BNC2: variants seen among roughly 807,000 people sequenced by gnomAD.
BNC2 encodes zinc finger protein basonuclin-2.
A neutral mutation model predicts 76.3 loss-of-function variants in BNC2; 20 were observed. That is an observed-to-expected ratio of 0.26 (90% confidence interval 0.18 to 0.38). The LOEUF (loss-of-function observed/expected upper bound fraction) is 0.38, where lower values mean the gene tolerates loss of function less well. BNC2 is among the 10% of genes least tolerant of loss of function. BNC2 has a pLI of 1.00. For missense variants in BNC2, 1,382 were observed against 1,399.8 expected, an observed-to-expected ratio of 0.99 and a Z score of 0.20; for synonymous variants, 582 against 514.8, an observed-to-expected ratio of 1.13 and a Z score of -1.77.
At chr9:16,689,704 C>T (rs1823094972) in intron 3 of BNC2, among the ~76,000 whole-genome samples, 2 of 151,700 alleles carry the variant, frequency 1.3e-5, no homozygotes, top group African/African-American at 4.8e-5. Flanking sequence ...GAGTGCTCCT[C>T]AGAGACATGG....
In BNC2 at chr9:16,436,465, G is replaced by A; in HGVS notation, c.1729C>T (p.Leu577Phe). 2 of 1,614,080 alleles carry A rather than the reference G, an allele frequency of 1.2e-6. No homozygotes were observed. Among genetic ancestry groups the A allele is most frequent in the Non-Finnish European group, 8.5e-7 (1 of 1,180,002 alleles). Residue 577 changes from leucine (L) to phenylalanine (F), a missense_variant, in exon 6 of 7, where the codon CTC (leucine) becomes TTC (phenylalanine). Physicochemically the swap from Leu to Phe is conservative, Grantham distance 22. This residue lies in a region of BNC2 where 798 missense variants were observed against 775.5 expected (regional missense o/e 1.03). Transcript: ENST00000380672. ...QPVPPFYRSL[L>F]TPGEMVSPPT... ...GGACTCACCATTTCCCCTGGAGTGAGTAAACTTCTATAAAATGGAGGAACT... is the reference window on the plus strand; with the variant it reads ...GGACTCACCATTTCCCCTGGAGTGAATAAACTTCTATAAAATGGAGGAACT...
intron 3 of BNC2, among the ~76,000 whole-genome samples, chr9:16,595,390 G>A (rs914437136): frequency 6.6e-6 from 1 of 151,996 alleles, no homozygotes; most frequent in Non-Finnish European, 1.5e-5. Flanking sequence ...CCCCTTATAC[G>A]TTATTTATGT....
chr9:16,798,077 T>C (rs1264080266), intron 1 of BNC2, among the ~76,000 whole-genome samples: 2 of 152,192 alleles, frequency 1.3e-5, no homozygotes, highest in East Asian at 1.9e-4. Flanking sequence ...AGAATCCCTT[T>C]TGTTGATCTG....
At chr9:16,839,012 G>T (rs1165848457) in intron 1 of BNC2, among the ~76,000 whole-genome samples, 1 of 152,204 alleles carries the variant, frequency 6.6e-6, no homozygotes, top group Non-Finnish European at 1.5e-5. Context: ...AATTTCACTA[G>T]TCAGTAGAGG....
chr9:16,849,338 A>T (rs1220451408), intron 1 of BNC2, among the ~76,000 whole-genome samples: 1 of 146,318 alleles, frequency 6.8e-6, no homozygotes, highest in Non-Finnish European at 1.5e-5. Context: ...AGATCTGCAG[A>T]TTCCATGCAA....
At chr9:16,540,998 C>G (rs1818303463) in intron 5 of BNC2, among the ~76,000 whole-genome samples, 1 of 152,198 alleles carries the variant, frequency 6.6e-6, no homozygotes, top group Non-Finnish European at 1.5e-5. Context: ...AATCAAAACC[C>G]TCCCCTACTC....
rs1226843600 is a variant in BNC2 at position 16,539,758 on chromosome 9, GGAAAGGAAAAGAAAGGAAAGGA to G, written c.669+12750_669+12771del. 1.9e-3 allele frequency among the ~76,000 whole-genome samples: 162 copies of G among 86,100 alleles called. 1 individual carries two copies. The highest frequency in any genetic ancestry group is 0.01 in the African/African-American group (141 of 13,562). The allele number at this position is 86,100 out of a possible 152,430, so 56.5% of individuals were successfully genotyped here. ...GGAAAGGGAAGGGAAGGGAAGGAAAGGAAAGGAAAAGAAAGGAAAGGAAAGGAAAGGAAAGGAAAGGAAAGGA... is the reference window on the plus strand; with the variant it reads ...GGAAAGGGAAGGGAAGGGAAGGAAAGAAGGAAAGGAAAGGAAAGGAAAGGA... On this transcript the variant is annotated intron_variant, in intron 5 of 6. Coordinates refer to ENST00000380672, the MANE Select transcript of BNC2 (RefSeq NM_017637.6).
intron 3 of BNC2, among the ~76,000 whole-genome samples, chr9:16,634,018 T>C (rs1821243465): frequency 6.6e-6 from 1 of 152,214 alleles, no homozygotes; most frequent in Non-Finnish European, 1.5e-5. Flanking sequence ...TAAACTACCC[T>C]ATCCAAGCGT....
At chr9:16,830,217 G>T (rs1359583620) in intron 1 of BNC2, among the ~76,000 whole-genome samples, 1 of 152,116 alleles carries the variant, frequency 6.6e-6, no homozygotes, top group African/African-American at 2.4e-5. Flanking sequence ...TGCATTGGAG[G>T]GCAATTATCT....
intron 1 of BNC2, among the ~76,000 whole-genome samples, chr9:16,810,339 C>A (rs1000884934): frequency 2.6e-5 from 4 of 152,194 alleles, no homozygotes; most frequent in African/African-American, 9.7e-5. Flanking sequence ...GGCATTCACT[C>A]TGCCTTTGTC....
intron 1 of BNC2, among the ~76,000 whole-genome samples, chr9:16,748,983 G>C (rs144317827): frequency 7.2e-6 from 1 of 139,330 alleles, no homozygotes; most frequent in African/African-American, 2.8e-5. Context: ...AATATATAAT[G>C]ATGGCCCTGA....
intron 3 of BNC2, among the ~76,000 whole-genome samples, chr9:16,620,061 A>G (rs1820821983): frequency 6.6e-6 from 1 of 152,212 alleles, no homozygotes; most frequent in African/African-American, 2.4e-5. Flanking sequence ...CCCACTTTGT[A>G]ATAGACAACT....
intron 5 of BNC2, among the ~76,000 whole-genome samples, chr9:16,531,940 C>T (rs965500801): frequency 2.6e-5 from 4 of 152,140 alleles, no homozygotes; most frequent in African/African-American, 4.8e-5. Flanking sequence ...ACAAAATGCA[C>T]TTAAAATTCT....
At chr9:16,421,359 G>C in intron 6 of BNC2, 1 of 1,107,520 alleles carries the variant, frequency 9.0e-7, no homozygotes, top group Non-Finnish European at 1.2e-6. Context: ...GAGAAAGAGA[G>C]AGAGAGAAAA....
chr9:16,523,103 T>C (rs2132099406), intron 5 of BNC2, among the ~76,000 whole-genome samples: 1 of 152,298 alleles, frequency 6.6e-6, no homozygotes, highest in Non-Finnish European at 1.5e-5. Flanking sequence ...AGTTTCAGTG[T>C]CTATTCGTGT....
chr9:16,616,079 T>C (rs568028368), intron 3 of BNC2, among the ~76,000 whole-genome samples: 1 of 152,292 alleles, frequency 6.6e-6, no homozygotes, highest in South Asian at 2.1e-4. Flanking sequence ...TGATAATGTT[T>C]CCATAACCAT....
chr9:16,744,316 A>G (rs1824939519), intron 1 of BNC2, among the ~76,000 whole-genome samples: 1 of 152,160 alleles, frequency 6.6e-6, no homozygotes, highest in Non-Finnish European at 1.5e-5. Flanking sequence ...TGGTATGAAA[A>G]AGTGGAACTA....
chr9:16,721,996 A>C (rs780812935), intron 3 of BNC2, among the ~76,000 whole-genome samples: 1 of 152,210 alleles, frequency 6.6e-6, no homozygotes, highest in Non-Finnish European at 1.5e-5. Context: ...GTTTACAAGG[A>C]AAATCCTCTC....
intron 6 of BNC2, among the ~76,000 whole-genome samples, 164 bp downstream of exon 6, chr9:16,435,391 A>G (rs1820986159): frequency 6.6e-6 from 1 of 152,146 alleles, no homozygotes; most frequent in Non-Finnish European, 1.5e-5. Context: ...AACTGCAACA[A>G]TCCTTCATGA....
Sources: gnomAD v4.1 joint callset for allele counts (sites outside exome capture counted in the v4.1 genomes callset) on GRCh38, gnomAD v4.1.1 for gene constraint, gnomAD v4.1.1 regional missense constraint, MANE v1.5 for transcripts, NCBI Gene and HGNC (gene_info 2026-07-23, HGNC 2026-07-21) for gene names.